The following ADGRB3 variants were observed in gnomAD, a reference collection of about 807,000 sequenced individuals.
ADGRB3 encodes adhesion G protein-coupled receptor B3, also known as brain-specific angiogenesis inhibitor 3.
In ADGRB3, 37 loss-of-function variants were observed where a neutral mutation model predicts 193.4. The observed-to-expected ratio is 0.19, with a 90% CI of 0.15 to 0.25. The LOEUF (loss-of-function observed/expected upper bound fraction) is 0.25. ADGRB3 is among the 10% of genes least tolerant of loss of function. The pLI, the probability that ADGRB3 is intolerant of heterozygous loss-of-function variation, is 1.00. For synonymous variants in ADGRB3, 690 were observed against 644.2 expected, an observed-to-expected ratio of 1.07 and a Z score of -1.08; for missense variants, 1,637 against 1,852.9, an observed-to-expected ratio of 0.88 and a Z score of 2.14.
intron 27 of ADGRB3, among the ~76,000 whole-genome samples, chr6:69,355,592 A>C (rs1769320911): frequency 6.6e-6 from 1 of 152,172 alleles, no homozygotes. Context: ...GTATTGTATT[A>C]TCTTATTAAA....
chr6:69,137,162 T>G (rs890426299), intron 17 of ADGRB3, among the ~76,000 whole-genome samples: 12 of 151,074 alleles, frequency 7.9e-5, no homozygotes, highest in Non-Finnish European at 1.2e-4. Context: ...TTTGTGAGTT[T>G]CAACGTGGAA....
intron 6 of ADGRB3, among the ~76,000 whole-genome samples, chr6:68,949,846 T>C (rs567256689): frequency 9.7e-4 from 147 of 152,266 alleles, no homozygotes; most frequent in African/African-American, 3.4e-3. Context: ...TTTGGCTTGC[T>C]TTCTTTTACC....
intron 3 of ADGRB3, among the ~76,000 whole-genome samples, chr6:68,676,639 T>G (rs1448065693): frequency 1.3e-5 from 2 of 152,198 alleles, no homozygotes; most frequent in Non-Finnish European, 2.9e-5. Context: ...CTAATATTTC[T>G]ATGGTCTTGC....
intron 13 of ADGRB3, among the ~76,000 whole-genome samples, chr6:69,037,304 G>A (rs1349090823): frequency 6.6e-6 from 1 of 152,126 alleles, no homozygotes; most frequent in Non-Finnish European, 1.5e-5. Flanking sequence ...TATTGGCTTT[G>A]CTTATATGAT....
chr6:68,805,270 C>G (rs192238966), intron 3 of ADGRB3, among the ~76,000 whole-genome samples: 168 of 152,214 alleles, frequency 1.1e-3, no homozygotes, highest in African/African-American at 3.9e-3. Flanking sequence ...ATATTTAAAC[C>G]ACAGTTCTGA....
chr6:69,156,347 G>A (rs902766727), intron 17 of ADGRB3, among the ~76,000 whole-genome samples: 2 of 152,188 alleles, frequency 1.3e-5, no homozygotes, highest in Non-Finnish European at 2.9e-5. Context: ...AAACTGCTGT[G>A]AGGAGATAAT....
At chr6:68,967,633 C>A (rs1248110916) in intron 8 of ADGRB3, among the ~76,000 whole-genome samples, 1 of 151,454 alleles carries the variant, frequency 6.6e-6, no homozygotes, top group Admixed American at 6.6e-5. Context: ...CACACAACGT[C>A]TACAGTATTT....
rs749238022 is a variant in ADGRB3, at chr6:68,639,169, A to G, written c.494A>G (p.Gln165Arg). ...GTATTGAACAAGGTCAGCCCAAGCC[A>G]GTTTGGTTGCCATGTATTATGTACT... ...FLVLNKVSPS[Q>R]FGCHVLCTWL... is the part of the protein sequence containing the mutation. The change falls in exon 3 of 32, where the codon CAG becomes CGG. Residue 165 changes from glutamine to arginine, a missense_variant. Around this residue, in one of 7 missense-constraint regions of ADGRB3, gnomAD observed 365 missense variants for 409.8 expected, o/e 0.89. Coordinates refer to ENST00000370598, the MANE Select transcript of ADGRB3 (RefSeq NM_001704.3). The G allele has an allele frequency of 6.2e-7, 1 of 1,614,186 alleles. No individual in the cohort carries two copies. Among genetic ancestry groups the G allele is most frequent in the Non-Finnish European group, 8.5e-7 (1 of 1,180,038 alleles).
chr6:68,944,349 G>T (rs1767719872), intron 6 of ADGRB3, among the ~76,000 whole-genome samples: 1 of 152,094 alleles, frequency 6.6e-6, no homozygotes, highest in Admixed American at 6.6e-5. Flanking sequence ...AGGGAGATCT[G>T]ATTTAGAGCC....
Position 68,776,665 on chromosome 6 carries a change from T to C in ADGRB3, c.757+137233T>C, listed in dbSNP as rs140187978. 4.3e-3 allele frequency among the ~76,000 whole-genome samples: 655 copies of C among 152,214 alleles called. 3 individuals are homozygous for C. The highest frequency in any genetic ancestry group is 0.015 in the African/African-American group (618 of 41,546). ...GCCAACATCACTCTCAGAGGGAGTC[T>C]AAACGGAGCTAGCATGGTCCAATTA... is the stretch of plus-strand genomic sequence containing the variant. On this transcript the variant is annotated intron_variant, in intron 3 of 31. Coordinates refer to ENST00000370598, the MANE Select transcript of ADGRB3 (RefSeq NM_001704.3).
chr6:69,219,120 GA>G (rs2127247473), intron 17 of ADGRB3, among the ~76,000 whole-genome samples: 1 of 151,980 alleles, frequency 6.6e-6, no homozygotes, highest in Non-Finnish European at 1.5e-5. Context: ...CCTTTATCTT[GA>G]AATTGCAAAG....
intron 25 of ADGRB3, 89 bp downstream of exon 25, chr6:69,339,103 A>C: frequency 7.2e-7 from 1 of 1,383,640 alleles, no homozygotes. Flanking sequence ...TGTGTTTTCT[A>C]ATACAAGACC....
At chr6:68,992,301 A>G (rs1769259675) in intron 10 of ADGRB3, among the ~76,000 whole-genome samples, 1 of 152,162 alleles carries the variant, frequency 6.6e-6, no homozygotes, top group South Asian at 2.1e-4. Flanking sequence ...CTGAACAGAA[A>G]ATTGCAAATA....
At chr6:68,888,743 T>C (rs1201124265) in intron 3 of ADGRB3, among the ~76,000 whole-genome samples, 1 of 152,100 alleles carries the variant, frequency 6.6e-6, no homozygotes, top group Non-Finnish European at 1.5e-5. Flanking sequence ...TGAAGAAGAC[T>C]ATGAGGAAAT....
intron 3 of ADGRB3, among the ~76,000 whole-genome samples, chr6:68,887,163 G>T (rs555870474): frequency 6.6e-6 from 1 of 151,852 alleles, no homozygotes; most frequent in East Asian, 1.9e-4. Flanking sequence ...TTAGTTCAAA[G>T]TTGTGCAGCT....
chr6:68,802,264 C>T (rs1367413211), intron 3 of ADGRB3, among the ~76,000 whole-genome samples: 1 of 151,424 alleles, frequency 6.6e-6, no homozygotes, highest in African/African-American at 2.4e-5. Context: ...CTAATTCTTT[C>T]CATTGAGTAG....
rs1302115055 is a variant in ADGRB3 at position 68,993,747 on chromosome 6, C to A, written c.1735-21C>A. On this transcript the variant is annotated intron_variant, in intron 10 of 31. Coordinates refer to ENST00000370598, the MANE Select transcript of ADGRB3 (RefSeq NM_001704.3). ...GGTAATGAAGATTCTGATGTTTGCT[C>A]TGTTCTTTTGACCATCACAGATTAA... The A allele has an allele frequency of 1.9e-6, 3 of 1,599,986 alleles. No individual in the cohort carries two copies. The African/African-American group carries it at 4.0e-5, about 22-fold the overall frequency.
chr6:69,062,897 C>T, intron 15 of ADGRB3, 37 bp from the exon 16 acceptor site: 2 of 1,469,018 alleles, frequency 1.4e-6, no homozygotes, highest in Non-Finnish European at 1.9e-6. Flanking sequence ...CTTTTCAGCA[C>T]TCATTTCTCC....
chr6:68,957,336 A>G (rs901965739), intron 8 of ADGRB3, among the ~76,000 whole-genome samples: 14 of 152,226 alleles, frequency 9.2e-5, no homozygotes, highest in African/African-American at 3.4e-4. Flanking sequence ...GAAACTGCCC[A>G]GATTATACAG....
Sources: gnomAD v4.1 joint callset for allele counts (sites outside exome capture counted in the v4.1 genomes callset) on GRCh38, gnomAD v4.1.1 for gene constraint, gnomAD v4.1.1 regional missense constraint, MANE v1.5 for transcripts, NCBI Gene and HGNC (gene_info 2026-07-23, HGNC 2026-07-21) for gene names.